The following HIVEP1 variants were observed in gnomAD, a reference collection of about 807,000 sequenced individuals.
HIVEP1 encodes HIVEP zinc finger 1.
In HIVEP1, 36 loss-of-function variants were observed where a neutral mutation model predicts 180.0. The observed-to-expected ratio is 0.20, with a 90% confidence interval of 0.15 to 0.26. HIVEP1 has a LOEUF of 0.26. Ranked by LOEUF, HIVEP1 falls within the 10% of genes least tolerant of loss-of-function variation. HIVEP1 has a pLI of 1.00. For synonymous variants in HIVEP1, 1,239 were observed against 1,239.0 expected (o/e 1.00, Z 0.00); for missense variants, 3,143 against 3,268.7 (o/e 0.96, Z 0.94).
chr6:12,138,531 C>T (rs563644669), intron 7 of HIVEP1, among the ~76,000 whole-genome samples: 5 of 152,270 alleles, frequency 3.3e-5, no homozygotes, highest in Non-Finnish European at 7.4e-5. Context: ...AGAGTGGTAC[C>T]AGCTGTTCCT....
chr6:12,172,034 A>G, the HIVEP1 span, among the ~76,000 whole-genome samples: 1 of 152,176 alleles, frequency 6.6e-6, no homozygotes, highest in Non-Finnish European at 1.5e-5. Context: ...AGCTGAGAAG[A>G]GCCTGGGACT....
In HIVEP1 at chr6:12,131,024, A is replaced by C. The variant is rs147001924; in HGVS notation, c.6385+82A>C. On this transcript the variant is annotated intron_variant, in intron 6 of 8. Transcript: ENST00000379388. ...AAAACCCAACTGTGCGTTTTCTTTG[A>C]CCGATGAAATAGCAGCTTAAATAGA... 8 of 973,862 alleles carry C rather than the reference A, an allele frequency of 8.2e-6. No individual in the cohort carries two copies. The African/African-American group carries it at 1.3e-4, about 16-fold the overall frequency. The allele number at this position is 973,862 out of a possible 1,614,324, so 60.3% of individuals were successfully genotyped here. A position where few individuals can be genotyped will look rare whatever the true frequency, so the allele number is the denominator to read the frequency against.
intron 3 of HIVEP1, among the ~76,000 whole-genome samples, chr6:12,101,207 T>TA (rs1774092514): frequency 6.6e-6 from 1 of 152,220 alleles, no homozygotes; most frequent in Non-Finnish European, 1.5e-5. Flanking sequence ...AAATTGTTCT[T>TA]ACCACTTTCT....
intron 2 of HIVEP1, among the ~76,000 whole-genome samples, chr6:12,058,186 T>C (rs574972954): frequency 2.2e-4 from 33 of 152,220 alleles, no homozygotes; most frequent in East Asian, 9.6e-4. Flanking sequence ...GGGGCTTTGG[T>C]CTGAGAGTGT....
the HIVEP1 span, among the ~76,000 whole-genome samples, chr6:12,195,837 A>G: frequency 6.6e-6 from 1 of 152,218 alleles, no homozygotes; most frequent in African/African-American, 2.4e-5. Flanking sequence ...TGAGATCTTT[A>G]CCTGTATCTG....
the HIVEP1 span, among the ~76,000 whole-genome samples, chr6:12,186,885 ATT>A: frequency 1.5e-4 from 22 of 147,868 alleles, no homozygotes; most frequent in Admixed American, 8.1e-4. Context: ...GAGCATGAGC[ATT>A]TTTTTTTTTT....
the HIVEP1 span, among the ~76,000 whole-genome samples, chr6:12,198,534 C>T: frequency 2.6e-5 from 4 of 152,156 alleles, no homozygotes; most frequent in African/African-American, 9.7e-5. Context: ...GGCCCCTTCC[C>T]TCATGCAGCT....
chr6:12,059,110 A>G (rs1200062559), intron 2 of HIVEP1, among the ~76,000 whole-genome samples: 1 of 152,112 alleles, frequency 6.6e-6, no homozygotes, highest in Non-Finnish European at 1.5e-5. Flanking sequence ...CACCAGTAGT[A>G]TCTTGTTCCA....
In HIVEP1 at chr6:12,123,876, C is replaced by T. The variant is rs760191980; in HGVS notation, c.4081C>T (p.Arg1361Trp). 4.8e-5 allele frequency: 78 copies of T among 1,613,994 alleles called. No individual in the cohort carries two copies. Among genetic ancestry groups the T allele is most frequent in the South Asian group, 4.1e-4 (37 of 91,082 alleles). Residue 1361 changes from arginine to tryptophan, a missense_variant, in exon 4 of 9, where the codon CGG becomes TGG. Arg to Trp is a moderately radical substitution (Grantham distance 101, BLOSUM62 -3). Transcript: ENST00000379388. ...LNTLNVPGCHREMRRTASEQI... is the reference protein window; with the variant it reads ...LNTLNVPGCHWEMRRTASEQI... ...TACTCTGAATGTTCCTGGATGTCAC[C>T]GGGAAATGAGGCGTACTGCATCAGA... is the stretch of plus-strand genomic sequence containing the variant.
intron 2 of HIVEP1, chr6:12,039,181 T>C (rs996190606): frequency 6.6e-6 from 1 of 152,262 alleles, no homozygotes; most frequent in African/African-American, 2.4e-5. Flanking sequence ...GGATTACCTT[T>C]TTCAAATTGG....
intron 3 of HIVEP1, among the ~76,000 whole-genome samples, chr6:12,109,051 C>T (rs977698471): frequency 6.6e-6 from 1 of 152,222 alleles, no homozygotes; most frequent in Admixed American, 6.5e-5. Flanking sequence ...GCGATCTTGG[C>T]TTACTGCAAG....
At chr6:12,194,793 CTG>C in the HIVEP1 span, among the ~76,000 whole-genome samples, 1 of 152,106 alleles carries the variant, frequency 6.6e-6, no homozygotes, top group Non-Finnish European at 1.5e-5. Context: ...CAGAGCGAGA[CTG>C]TGTCTCAAAA....
chr6:12,087,651 G>T (rs1295147211), intron 2 of HIVEP1, among the ~76,000 whole-genome samples: 1 of 152,074 alleles, frequency 6.6e-6, no homozygotes, highest in Non-Finnish European at 1.5e-5. Context: ...CTTACACTGT[G>T]TTAATACGGA....
At chr6:12,139,860 G>A (rs893486684) in intron 7 of HIVEP1, among the ~76,000 whole-genome samples, 8 of 152,252 alleles carry the variant, frequency 5.3e-5, no homozygotes, top group African/African-American at 1.7e-4. Flanking sequence ...AGAGCCCACC[G>A]CAGCTCAGCA....
In HIVEP1 at chr6:12,121,511, C is replaced by T. The variant is rs761704523; in HGVS notation, c.1716C>T (p.Pro572=). The T allele has an allele frequency of 4.3e-6, 7 of 1,614,064 alleles. No individual in the cohort carries two copies. In the East Asian group the frequency reaches 1.1e-4, roughly 26 times the overall value. ...TGGTCCACCATGTCACTGTGTCCCC[C>T]TTAAGAACTGACAGTCCAAAGGCCA... ...KVVVHHVTVS[P]LRTDSPKAMD... The change falls in exon 4 of 9, where the codon CCC becomes CCT. Residue 572 remains proline, a synonymous_variant. Coordinates refer to ENST00000379388, the MANE Select transcript of HIVEP1 (RefSeq NM_002114.4). This position sits in a 1 kb window ranked among gnomAD's most constrained non-coding sequence, Gnocchi z 5.3.
intron 7 of HIVEP1, among the ~76,000 whole-genome samples, chr6:12,151,477 T>C (rs1759697297): frequency 6.6e-6 from 1 of 152,190 alleles, no homozygotes; most frequent in Non-Finnish European, 1.5e-5. Flanking sequence ...AGAAAGTCAG[T>C]GTATCTTATT....
At chr6:12,154,109 A>G (rs1759872467) in intron 7 of HIVEP1, among the ~76,000 whole-genome samples, 1 of 152,202 alleles carries the variant, frequency 6.6e-6, no homozygotes, top group Non-Finnish European at 1.5e-5. Context: ...TGTATTCCAT[A>G]TATACAAGTG....
intron 3 of HIVEP1, among the ~76,000 whole-genome samples, chr6:12,109,038 G>C (rs554092204): frequency 2.0e-5 from 3 of 152,050 alleles, no homozygotes; most frequent in Admixed American, 6.5e-5. Context: ...GGAGTGCAGC[G>C]GCGCGATCTT....
rs1047092304 is a variant in HIVEP1, at chr6:12,121,617, A to G, written c.1822A>G (p.Met608Val). 1.5e-5 allele frequency: 25 copies of G among 1,614,030 alleles called. No individual in the cohort carries two copies. The highest frequency in any genetic ancestry group is 2.0e-5 in the Non-Finnish European group (24 of 1,180,042). The change falls in exon 4 of 9, where the codon ATG becomes GTG. Residue 608 changes from methionine (M) to valine (V), a missense_variant. Transcript: ENST00000379388. The surrounding 1 kb of genome is among the most constrained non-coding windows in gnomAD (Gnocchi z 5.3). The stretch of plus-strand genomic sequence containing the variant: ...AAACGTACAGCCACTTTCAGCCAAC[A>G]TGTCCCAGGGTGGAGTCTCCAGGTT... ...VTNVQPLSAN[M>V]SQGGVSRLET...
Sources: gnomAD v4.1 joint callset for allele counts (sites outside exome capture counted in the v4.1 genomes callset) on GRCh38, gnomAD v4.1.1 for gene constraint, Gnocchi (gnomAD v3.1) non-coding constraint, MANE v1.5 for transcripts, NCBI Gene and HGNC (gene_info 2026-07-23, HGNC 2026-07-21) for gene names.